Variants in RNF144A observed in about 807,000 individuals in gnomAD.
The protein encoded by RNF144A is ring finger protein 144A.
In RNF144A, 11 loss-of-function variants were observed where a neutral mutation model predicts 38.7. That is an observed-to-expected ratio of 0.28 (90% CI 0.18 to 0.47). The LOEUF (loss-of-function observed/expected upper bound fraction) is 0.47. Among genes scored for constraint, RNF144A ranks in the 20% least tolerant of loss-of-function variants. RNF144A has a pLI of 0.99. For missense variants in RNF144A, 316 were observed against 377.2 expected, an observed-to-expected ratio of 0.84 and a Z score of 1.34; for synonymous variants, 149 against 143.9, an observed-to-expected ratio of 1.04 and a Z score of -0.25.
At chr2:6,956,396 A>G (rs1667002914) in intron 2 of RNF144A, among the ~76,000 whole-genome samples, 1 of 152,214 alleles carries the variant, frequency 6.6e-6, no homozygotes, top group Non-Finnish European at 1.5e-5. Flanking sequence ...CAGAAGAAGC[A>G]GCTTTCAGCT....
intron 1 of RNF144A, among the ~76,000 whole-genome samples, chr2:6,931,181 G>A (rs1406207070): frequency 6.6e-6 from 1 of 152,184 alleles, no homozygotes; most frequent in Non-Finnish European, 1.5e-5. Context: ...GAGCAGAGAA[G>A]GCAAGACTGT....
At chr2:7,024,586 G>C (rs1671754306) in intron 7 of RNF144A, 70 bp downstream of exon 7, 1 of 1,539,226 alleles carries the variant, frequency 6.5e-7, no homozygotes, top group African/African-American at 1.4e-5. Flanking sequence ...GAGAAAAATA[G>C]ACCAGCTGTT....
At chr2:7,074,113 G>C in the RNF144A span, among the ~76,000 whole-genome samples, 1 of 152,204 alleles carries the variant, frequency 6.6e-6, no homozygotes, top group East Asian at 1.9e-4. Context: ...GCCTTGCACA[G>C]AGGACACATG....
At chr2:7,054,007 A>AGCATG (rs1292336215) in intron 6 of RNF144A, among the ~76,000 whole-genome samples, 4 of 152,364 alleles carry the variant, frequency 2.6e-5, no homozygotes, top group East Asian at 1.9e-4. Context: ...TGCACAGCTC[A>AGCATG]GCATGGCATG....
chr2:6,926,882 A>G (rs1664909461), intron 1 of RNF144A, among the ~76,000 whole-genome samples: 1 of 152,188 alleles, frequency 6.6e-6, no homozygotes, highest in South Asian at 2.1e-4. Flanking sequence ...TCAAAGACAC[A>G]TTGAGGACTA....
downstream of RNF144A, among the ~76,000 whole-genome samples, chr2:7,048,253 A>G (rs546238122): frequency 1.4e-4 from 21 of 152,322 alleles, 1 homozygote; most frequent in East Asian, 3.5e-3. Flanking sequence ...AGATAATCGC[A>G]TACACAAGGA....
intron 2 of RNF144A, among the ~76,000 whole-genome samples, chr2:6,980,940 G>T (rs546912301): frequency 6.6e-6 from 1 of 152,340 alleles, no homozygotes; most frequent in South Asian, 2.1e-4. Context: ...GCACCCACAG[G>T]CCCAATACCA....
chr2:7,019,320 G>C (rs1408796492), intron 5 of RNF144A, among the ~76,000 whole-genome samples: 1 of 152,212 alleles, frequency 6.6e-6, no homozygotes, highest in Non-Finnish European at 1.5e-5. Flanking sequence ...TGCTGGTCCC[G>C]TGGCAATGCG....
At chr2:6,986,764 G>C (rs535537014) in intron 2 of RNF144A, among the ~76,000 whole-genome samples, 2 of 152,232 alleles carry the variant, frequency 1.3e-5, no homozygotes, top group East Asian at 3.9e-4. Context: ...CATTAAGGGT[G>C]GTTCATTATC....
chr2:7,060,015 G>T (rs1572493047), intron 6 of RNF144A, among the ~76,000 whole-genome samples: 1 of 152,172 alleles, frequency 6.6e-6, no homozygotes, highest in African/African-American at 2.4e-5. Flanking sequence ...TAGGAAAATA[G>T]CACATTCAAA....
chr2:6,952,196 T>TA (rs1666727529), intron 2 of RNF144A, among the ~76,000 whole-genome samples: 2 of 152,158 alleles, frequency 1.3e-5, no homozygotes, highest in Non-Finnish European at 2.9e-5. Context: ...TATGTTCTGT[T>TA]ACGCTTACAA....
chr2:6,986,757 T>C (rs960013605), intron 2 of RNF144A, among the ~76,000 whole-genome samples: 1 of 151,870 alleles, frequency 6.6e-6, no homozygotes, highest in Non-Finnish European at 1.5e-5. Flanking sequence ...AATAAAACAT[T>C]AAGGGTGGTT....
chr2:7,041,435 C>A lies in RNF144A; in HGVS notation c.*1675C>A. ...AGCCATTTAGAAAATCCCTGTGTGTCAAAATTACATTCAAAAAGCTCTCCT... is the reference window on the plus strand; with the variant it reads ...AGCCATTTAGAAAATCCCTGTGTGTAAAAATTACATTCAAAAAGCTCTCCT... On this transcript the variant is annotated 3_prime_UTR_variant, in exon 9 of 9. Coordinates refer to ENST00000320892, the MANE Select transcript of RNF144A (RefSeq NM_014746.6). 1.0e-6 allele frequency: 1 copy of A among 985,848 alleles called. No individual in the cohort carries two copies. Among genetic ancestry groups the A allele is most frequent in the Non-Finnish European group, 1.2e-6 (1 of 829,934 alleles). The allele number at this position is 985,848 out of a possible 1,614,324, so 61.1% of individuals were successfully genotyped here.
intron 7 of RNF144A, among the ~76,000 whole-genome samples, chr2:7,025,871 A>T (rs905471022): frequency 6.6e-6 from 1 of 152,104 alleles, no homozygotes; most frequent in African/African-American, 2.4e-5. Flanking sequence ...GTCTCATTCA[A>T]ATAAAGCGGG....
chr2:7,002,338 C>G (rs1208899469), intron 3 of RNF144A, among the ~76,000 whole-genome samples: 1 of 152,188 alleles, frequency 6.6e-6, no homozygotes, highest in East Asian at 1.9e-4. Flanking sequence ...TGATCCCTTG[C>G]TCAGCATTAG....
intron 3 of RNF144A, among the ~76,000 whole-genome samples, chr2:6,997,765 G>A (rs1669851357): frequency 6.6e-6 from 1 of 152,242 alleles, no homozygotes; most frequent in Non-Finnish European, 1.5e-5. Context: ...GAAGCCGGAA[G>A]TAGGACGGTA....
Position 7,032,739 on chromosome 2 carries a change from A to T in RNF144A, c.747+2524A>T, listed in dbSNP as rs149018500. Among the ~76,000 whole-genome samples the T allele has an allele frequency of 4.5e-3, 691 of 152,346 alleles. 3 individuals carry two copies. Among genetic ancestry groups the T allele is most frequent in the Middle Eastern group, 0.024 (7 of 294 alleles). Reference sequence around the variant, plus strand: ...GGCCCACGCTAATCACCTCATGGTAACTTGATTGCATCTACAGAGACCCTG... The same window carrying T: ...GGCCCACGCTAATCACCTCATGGTATCTTGATTGCATCTACAGAGACCCTG... On this transcript the variant is annotated intron_variant, in intron 8 of 8. Coordinates refer to ENST00000320892, the MANE Select transcript of RNF144A (RefSeq NM_014746.6).
At chr2:7,012,355 C>T (rs1670872765) in intron 3 of RNF144A, among the ~76,000 whole-genome samples, 2 of 152,142 alleles carry the variant, frequency 1.3e-5, no homozygotes, top group African/African-American at 4.8e-5. Context: ...GATGGGCCTT[C>T]TGGTTTTATT....
chr2:6,924,591 C>T (rs1033663805), intron 1 of RNF144A, among the ~76,000 whole-genome samples: 3 of 152,162 alleles, frequency 2.0e-5, no homozygotes, highest in African/African-American at 7.2e-5. Context: ...GGAGACAGGG[C>T]TGTTGGATGA....
Sources: allele counts gnomAD v4.1 joint callset (sites outside exome capture counted in the v4.1 genomes callset), GRCh38; gene constraint gnomAD v4.1.1; transcripts MANE v1.5; gene names NCBI Gene and HGNC (gene_info 2026-07-23, HGNC 2026-07-21).